Variants in PIEZO2 observed in about 807,000 individuals in gnomAD.
PIEZO2 encodes the protein piezo type mechanosensitive ion channel component 2, also known as piezo-type mechanosensitive ion channel component 2.
Under a neutral mutation model 337.3 loss-of-function variants are expected in PIEZO2, and 172 were observed. The observed-to-expected ratio is 0.51, with a 90% CI of 0.45 to 0.58. PIEZO2 has a LOEUF of 0.58. PIEZO2 is among the 20% of genes least tolerant of loss of function. The pLI is 0.00. For missense variants in PIEZO2, 3,028 were observed against 3,391.3 expected, an observed-to-expected ratio of 0.89 and a Z score of 2.66; for synonymous variants, 1,251 against 1,228.5, an observed-to-expected ratio of 1.02 and a Z score of -0.38.
rs1165843536 is a variant in PIEZO2, at chr18:11,031,438, A to C, written c.160+34689T>G. Among the ~76,000 whole-genome samples the C allele has an allele frequency of 1.3e-5, 2 of 152,216 alleles. No homozygotes were observed. The highest frequency in any genetic ancestry group is 2.9e-5 in the Non-Finnish European group (2 of 68,032). Reference sequence around the variant, plus strand: ...ACATTTTATACCAGAAAAAAAAATTAGTGAACACTACTAGAGTGTTTTCAT... The same window carrying C: ...ACATTTTATACCAGAAAAAAAAATTCGTGAACACTACTAGAGTGTTTTCAT... On this transcript the variant is annotated intron_variant, in intron 2 of 55. Transcript: ENST00000674853. The surrounding 1 kb of genome is among the most constrained non-coding windows in gnomAD (Gnocchi z 4.7).
rs1188359015 is a variant in PIEZO2, at chr18:10,704,510, T to C, written c.6142A>G (p.Met2048Val). The C allele has an allele frequency of 2.6e-6, 4 of 1,537,088 alleles. No individual in the cohort carries two copies. The highest frequency in any genetic ancestry group is 4.9e-5 in the East Asian group (2 of 40,910). ...VCYFVIILNH[M>V]VSASMITLLL... is the part of the protein sequence containing the mutation. ...AGCGTGATCATGGAGGCAGAGACCA[T>C]GTGGTTGAGGATGATCACGAAGTAG... The change falls in exon 42 of 56, where the codon ATG becomes GTG. Residue 2048 changes from methionine to valine, a missense_variant. Around this residue, in one of 5 missense-constraint regions of PIEZO2, gnomAD observed 1,925 missense variants for 2,051.9 expected, o/e 0.94. Coordinates refer to ENST00000674853, the MANE Select transcript of PIEZO2 (RefSeq NM_001378183.1).
intron 1 of PIEZO2, among the ~76,000 whole-genome samples, chr18:11,090,423 A>T (rs1490230907): frequency 1.3e-5 from 2 of 152,248 alleles, no homozygotes; most frequent in Non-Finnish European, 2.9e-5. Context: ...AGGCCACTCA[A>T]TGCAGGATGC....
At position 11,070,720 on chromosome 18, in the gene PIEZO2, A is replaced by G. The variant is rs1173021363; in HGVS notation, c.65-4498T>C. Among the ~76,000 whole-genome samples the G allele has an allele frequency of 6.6e-6, 1 of 152,236 alleles. No individual in the cohort carries two copies. Among genetic ancestry groups the G allele is most frequent in the Non-Finnish European group, 1.5e-5 (1 of 68,040 alleles). ...GAAGGAAGTCAACCTATGGAAGTGCAGTGAACGTGCTGCCACAACCAGGAA... is the reference window on the plus strand; with the variant it reads ...GAAGGAAGTCAACCTATGGAAGTGCGGTGAACGTGCTGCCACAACCAGGAA... On this transcript the variant is annotated intron_variant, in intron 1 of 55. Coordinates refer to ENST00000674853, the MANE Select transcript of PIEZO2 (RefSeq NM_001378183.1). This position sits in a 1 kb window ranked among gnomAD's most constrained non-coding sequence, Gnocchi z 4.3.
chr18:10,930,634 A>T (rs1043147567), intron 3 of PIEZO2, among the ~76,000 whole-genome samples: 2 of 152,176 alleles, frequency 1.3e-5, no homozygotes, highest in Non-Finnish European at 2.9e-5. Flanking sequence ...ATTGATTGAG[A>T]CCTATTTCAG....
At chr18:10,755,957 G>A (rs1598436561) in intron 27 of PIEZO2, among the ~76,000 whole-genome samples, 1 of 149,794 alleles carries the variant, frequency 6.7e-6, no homozygotes, top group Non-Finnish European at 1.5e-5. Flanking sequence ...AGGATGAAGA[G>A]GAGAGCTAGG....
rs1477656316 is a variant in PIEZO2, at chr18:10,772,283, G to A, written c.2785+1129C>T. ...TGACTCAGATGGTAGTCAATAAAAAGGTGTAGGTAATAAATGAGCATGATT... is the reference window on the plus strand; with the variant it reads ...TGACTCAGATGGTAGTCAATAAAAAAGTGTAGGTAATAAATGAGCATGATT... On this transcript the variant is annotated intron_variant, in intron 20 of 55. Transcript: ENST00000674853. Among the ~76,000 whole-genome samples, 9 of 152,154 alleles carry A rather than the reference G, an allele frequency of 5.9e-5. 1 individual carries two copies.
chr18:10,772,938 T>C (rs1169946948), intron 20 of PIEZO2, among the ~76,000 whole-genome samples: 4 of 152,226 alleles, frequency 2.6e-5, no homozygotes, highest in Non-Finnish European at 5.9e-5. Context: ...ATTGCTGACT[T>C]TCTCCTCCAG....
rs565751109 is a variant in PIEZO2, at chr18:10,781,340, C to A, written c.2493-974G>T. On this transcript the variant is annotated intron_variant, in intron 17 of 55. Transcript: ENST00000674853. The surrounding 1 kb of genome is among the most constrained non-coding windows in gnomAD (Gnocchi z 4.1). ...GAAAAATTAGCCAGGCATGGTGGCA[C>A]ATGCCTGTAGTCCCAGCTACTTGGG... 6.6e-6 allele frequency among the ~76,000 whole-genome samples: 1 copy of A among 151,972 alleles called. No individual in the cohort carries two copies. Among genetic ancestry groups the A allele is most frequent in the Non-Finnish European group, 1.5e-5 (1 of 67,994 alleles).
At position 10,982,447 on chromosome 18, in the gene PIEZO2, T is replaced by C. The variant is rs1395428880; in HGVS notation, c.161-2787A>G. 6.6e-6 allele frequency among the ~76,000 whole-genome samples: 1 copy of C among 152,180 alleles called. No individual in the cohort carries two copies. Among genetic ancestry groups the C allele is most frequent in the East Asian group, 1.9e-4 (1 of 5,196 alleles). On this transcript the variant is annotated intron_variant, in intron 2 of 55. Transcript: ENST00000674853. This position sits in a 1 kb window ranked among gnomAD's most constrained non-coding sequence, Gnocchi z 4.1. ...TACATGCATGAATGAGGTGACTCAA[T>C]ATGATAAAAATGTCAATTTCCCCAA...
At chr18:10,926,726 T>A (rs1247713797) in intron 3 of PIEZO2, among the ~76,000 whole-genome samples, 1 of 152,186 alleles carries the variant, frequency 6.6e-6, no homozygotes, top group African/African-American at 2.4e-5. Context: ...CCCCGTCCTC[T>A]TGGTAGGATC....
chr18:10,869,185 T>C (rs117665306), intron 5 of PIEZO2, among the ~76,000 whole-genome samples: 1,704 of 152,330 alleles, frequency 0.011, 12 homozygotes, highest in Non-Finnish European at 0.017. Context: ...TACTAGGTGA[T>C]ATAGTATTAG....
At chr18:10,817,672 C>G (rs1209646415) in intron 7 of PIEZO2, among the ~76,000 whole-genome samples, 2 of 152,054 alleles carry the variant, frequency 1.3e-5, no homozygotes, top group East Asian at 3.9e-4. Context: ...GCCTGTAATC[C>G]TAGCACTTTG....
At chr18:10,901,129 G>A (rs943862737) in intron 4 of PIEZO2, among the ~76,000 whole-genome samples, 23 of 152,324 alleles carry the variant, frequency 1.5e-4, no homozygotes, top group Admixed American at 9.8e-4. Context: ...AGCAAATGCC[G>A]AAGGATGGTG....
intron 21 of PIEZO2, among the ~76,000 whole-genome samples, chr18:10,764,364 G>T (rs990488133): frequency 6.6e-6 from 1 of 152,090 alleles, no homozygotes; most frequent in Non-Finnish European, 1.5e-5. Flanking sequence ...AGAAGAGGCC[G>T]GGTGAGGTGG....
intron 3 of PIEZO2, among the ~76,000 whole-genome samples, chr18:10,912,965 T>TA (rs897185329): frequency 7.9e-4 from 115 of 145,644 alleles, no homozygotes; most frequent in South Asian, 2.4e-3. Flanking sequence ...TGAGTAGGAG[T>TA]AAAAAAAAAA....
rs997825542 is a variant in PIEZO2 at position 11,101,048 on chromosome 18, A to G, written c.65-34826T>C. Among the ~76,000 whole-genome samples the G allele has an allele frequency of 3.9e-5, 6 of 152,232 alleles. No homozygotes were observed. Among genetic ancestry groups the G allele is most frequent in the African/African-American group, 1.2e-4 (5 of 41,460 alleles). On this transcript the variant is annotated intron_variant, in intron 1 of 55. Coordinates refer to ENST00000674853, the MANE Select transcript of PIEZO2 (RefSeq NM_001378183.1). This position sits in a 1 kb window ranked among gnomAD's most constrained non-coding sequence, Gnocchi z 4.4. Reference sequence around the variant, plus strand: ...GCTTTCCCACTGGAGATGCAGCTTCAGAGAGTTTAATGGGCATGGCATCCC... The same window carrying G: ...GCTTTCCCACTGGAGATGCAGCTTCGGAGAGTTTAATGGGCATGGCATCCC...
chr18:10,899,610 T>C lies in PIEZO2; in HGVS notation c.329+11576A>G, dbSNP rs1378648507. Among the ~76,000 whole-genome samples the C allele has an allele frequency of 6.6e-6, 1 of 152,194 alleles. No individual in the cohort carries two copies. The highest frequency in any genetic ancestry group is 1.5e-5 in the Non-Finnish European group (1 of 68,028). Reference sequence around the variant, plus strand: ...ATAAGAAATATGAAGCCTTCTCTTGTAGCTGCCTATTAGCACAATTCCCCT... The same window carrying C: ...ATAAGAAATATGAAGCCTTCTCTTGCAGCTGCCTATTAGCACAATTCCCCT... On this transcript the variant is annotated intron_variant, in intron 4 of 55. Coordinates refer to ENST00000674853, the MANE Select transcript of PIEZO2 (RefSeq NM_001378183.1). This position sits in a 1 kb window ranked among gnomAD's most constrained non-coding sequence, Gnocchi z 4.6.
In PIEZO2 at chr18:11,111,782, G is replaced by T. The variant is rs985317654; in HGVS notation, c.64+36743C>A. ...CGAAAGCGTGCACAGTAGAAACCTG[G>T]CTCCTTCCAGGAGGCTCCTTGTAGG... On this transcript the variant is annotated intron_variant, in intron 1 of 55. Transcript: ENST00000674853. This position sits in a 1 kb window ranked among gnomAD's most constrained non-coding sequence, Gnocchi z 6.2. Among the ~76,000 whole-genome samples, 1 of 152,204 alleles carries T rather than the reference G, an allele frequency of 6.6e-6. No homozygotes were observed. The highest frequency in any genetic ancestry group is 1.5e-5 in the Non-Finnish European group (1 of 68,054).
intron 9 of PIEZO2, 44 bp downstream of exon 9, chr18:10,803,831 A>C (rs1278808927): frequency 6.5e-7 from 1 of 1,534,212 alleles, no homozygotes; most frequent in South Asian, 1.2e-5. Flanking sequence ...AAAATACAAA[A>C]ACAGAAAAAT....
Sources: allele counts gnomAD v4.1 joint callset (sites outside exome capture counted in the v4.1 genomes callset), GRCh38; gene constraint gnomAD v4.1.1; regional missense constraint gnomAD v4.1.1; non-coding constraint Gnocchi (gnomAD v3.1); transcripts MANE v1.5; gene names NCBI Gene and HGNC (gene_info 2026-07-23, HGNC 2026-07-21).